CNTN1: variants seen among roughly 807,000 people sequenced by gnomAD.
CNTN1 encodes contactin-1.
Under a neutral mutation model 126.4 loss-of-function variants are expected in CNTN1, and 38 were observed. The ratio of observed to expected loss-of-function variants is 0.30; its 90% CI spans 0.23 to 0.39. The LOEUF (loss-of-function observed/expected upper bound fraction) is 0.39. Among genes scored for constraint, CNTN1 ranks in the 10% least tolerant of loss-of-function variants. The pLI is 1.00. For synonymous variants in CNTN1, 413 were observed against 422.6 expected (o/e 0.98, Z 0.28); for missense variants, 1,009 against 1,248.4 (o/e 0.81, Z 2.89).
chr12:40,991,997 G>T (rs1286425053), intron 16 of CNTN1, among the ~76,000 whole-genome samples: 3 of 152,188 alleles, frequency 2.0e-5, no homozygotes, highest in Non-Finnish European at 4.4e-5. Flanking sequence ...TTCCGATTTG[G>T]TGTGAGGGAG....
intron 1 of CNTN1, among the ~76,000 whole-genome samples, chr12:40,696,826 C>G (rs1941463717): frequency 6.6e-6 from 1 of 152,012 alleles, no homozygotes; most frequent in South Asian, 2.1e-4. Context: ...AAAGAAAAAT[C>G]CACCAAATTC....
intron 15 of CNTN1, among the ~76,000 whole-genome samples, chr12:40,977,138 G>A (rs1026006602): frequency 1.3e-5 from 2 of 152,066 alleles, no homozygotes; most frequent in African/African-American, 2.4e-5. Flanking sequence ...CATCTGGGAA[G>A]GTGGGACAAC....
intron 1 of CNTN1, among the ~76,000 whole-genome samples, chr12:40,817,349 T>C (rs1428825491): frequency 3.9e-5 from 6 of 152,198 alleles, no homozygotes; most frequent in African/African-American, 7.2e-5. Context: ...GGTGCATATA[T>C]ATTCAGAATA....
intron 1 of CNTN1, among the ~76,000 whole-genome samples, chr12:40,760,563 C>T (rs1440936804): frequency 1.3e-5 from 2 of 151,804 alleles, no homozygotes; most frequent in South Asian, 2.1e-4. Flanking sequence ...AACTGCTGTT[C>T]GCAGTGTGGC....
intron 15 of CNTN1, among the ~76,000 whole-genome samples, chr12:40,978,366 A>AAG (rs1947737229): frequency 6.6e-6 from 1 of 151,898 alleles, no homozygotes; most frequent in Non-Finnish European, 1.5e-5. Flanking sequence ...TACCGAGTAA[A>AAG]ATTCCCACAC....
intron 1 of CNTN1, among the ~76,000 whole-genome samples, chr12:40,837,142 T>C (rs1942089650): frequency 6.6e-6 from 1 of 152,210 alleles, no homozygotes; most frequent in Non-Finnish European, 1.5e-5. Context: ...ATGCTATTGA[T>C]TAGGAGATTG....
rs1347640649 is a variant in CNTN1 at position 40,916,579 on chromosome 12, G to A, written c.95-2060G>A. Among the ~76,000 whole-genome samples, 7 of 152,160 alleles carry A rather than the reference G, an allele frequency of 4.6e-5. No individual in the cohort carries two copies. In the East Asian group the frequency reaches 9.6e-4, roughly 21 times the overall value. On this transcript the variant is annotated intron_variant, in intron 3 of 23. Coordinates refer to ENST00000551295, the MANE Select transcript of CNTN1 (RefSeq NM_001843.4). ...AAAATATCAGGCATCTTCAGTAAAA[G>A]TATTAGAAGTGAAGCAGAAAACATT...
intron 1 of CNTN1, among the ~76,000 whole-genome samples, chr12:40,900,344 G>A (rs1944561076): frequency 6.6e-6 from 1 of 152,156 alleles, no homozygotes; most frequent in Non-Finnish European, 1.5e-5. Flanking sequence ...AATTGCTACA[G>A]CCACACGTAT....
intron 1 of CNTN1, among the ~76,000 whole-genome samples, chr12:40,721,349 A>G (rs1297803004): frequency 3.9e-5 from 6 of 151,998 alleles, no homozygotes; most frequent in Non-Finnish European, 5.9e-5. Flanking sequence ...CCTTTTTTTT[A>G]TATTGAACCT....
At chr12:40,797,719 A>T (rs184755504) in intron 1 of CNTN1, among the ~76,000 whole-genome samples, 55 of 152,188 alleles carry the variant, frequency 3.6e-4, no homozygotes, top group African/African-American at 1.3e-3. Context: ...AAGCAAGGGA[A>T]AATGATGGCT....
chr12:40,786,938 G>A (rs1928553), intron 1 of CNTN1, among the ~76,000 whole-genome samples: 121,675 of 152,066 alleles, frequency 0.8, 48,971 homozygotes, highest in South Asian at 0.86. Flanking sequence ...ATTCAGTTTA[G>A]CACTTCTAAT....
At chr12:40,722,906 T>C (rs1272147562) in intron 1 of CNTN1, among the ~76,000 whole-genome samples, 1 of 152,114 alleles carries the variant, frequency 6.6e-6, no homozygotes, top group Non-Finnish European at 1.5e-5. Flanking sequence ...TTTTTTTTCC[T>C]ATGTAAAGGA....
rs534964247 is a variant in CNTN1 at position 40,924,456 on chromosome 12, T to G, written c.401-101T>G. The G allele has an allele frequency of 3.2e-4, 230 of 709,734 alleles. 2 individuals carry two copies. The South Asian group carries it at 3.3e-3, about 10-fold the overall frequency. 44.0% of individuals were successfully genotyped at this position (709,734 alleles called of 1,614,324 possible). On this transcript the variant is annotated intron_variant, in intron 5 of 23. Transcript: ENST00000551295. Reference sequence around the variant, plus strand: ...TTCACCAAACCACTGAGAAGTGCTGTATCTCACGAATGAGTTATTTGCTGA... The same window carrying G: ...TTCACCAAACCACTGAGAAGTGCTGGATCTCACGAATGAGTTATTTGCTGA...
At chr12:40,953,498 G>C (rs1946760848) in intron 14 of CNTN1, among the ~76,000 whole-genome samples, 1 of 152,028 alleles carries the variant, frequency 6.6e-6, no homozygotes, top group Non-Finnish European at 1.5e-5. Flanking sequence ...ACTATATTGG[G>C]AATGATACTT....
intron 1 of CNTN1, among the ~76,000 whole-genome samples, chr12:40,708,519 T>C (rs890061564): frequency 6.6e-6 from 1 of 152,198 alleles, no homozygotes; most frequent in African/African-American, 2.4e-5. Context: ...TTTAGGGTGG[T>C]GGTTGCCAAA....
Position 41,015,295 on chromosome 12 carries a change from C to T in CNTN1, c.2184+997C>T, listed in dbSNP as rs545392585. Reference sequence around the variant, plus strand: ...AAATATTATAAAAATTAGAACATTTCGCTCTTTCTCTTATGGCTTTTTATA... The same window carrying T: ...AAATATTATAAAAATTAGAACATTTTGCTCTTTCTCTTATGGCTTTTTATA... On this transcript the variant is annotated intron_variant, in intron 18 of 23. Transcript: ENST00000551295. Among the ~76,000 whole-genome samples, 65 of 152,236 alleles carry T rather than the reference C, an allele frequency of 4.3e-4. No individual in the cohort carries two copies. The South Asian group carries it at 0.013, about 30-fold the overall frequency.
At chr12:40,893,070 A>ACTT (rs1054643737) in intron 1 of CNTN1, among the ~76,000 whole-genome samples, 13 of 152,056 alleles carry the variant, frequency 8.5e-5, no homozygotes, top group Non-Finnish European at 1.9e-4. Flanking sequence ...TACAGTTCAA[A>ACTT]CTTAAATAAA....
At chr12:40,983,424 A>G (rs540196974) in intron 16 of CNTN1, among the ~76,000 whole-genome samples, 2 of 151,668 alleles carry the variant, frequency 1.3e-5, no homozygotes, top group Admixed American at 6.6e-5. Context: ...GGAAGAAGTG[A>G]GCATTTTCTA....
intron 23 of CNTN1, among the ~76,000 whole-genome samples, chr12:41,035,028 C>G (rs1284252480): frequency 6.6e-6 from 1 of 152,150 alleles, no homozygotes; most frequent in Non-Finnish European, 1.5e-5. Flanking sequence ...CTTCTAGAAG[C>G]ACATTTTAAT....
Sources: gnomAD v4.1 joint callset for allele counts (sites outside exome capture counted in the v4.1 genomes callset) on GRCh38, gnomAD v4.1.1 for gene constraint, MANE v1.5 for transcripts, NCBI Gene and HGNC (gene_info 2026-07-23, HGNC 2026-07-21) for gene names.